UBR1: variants seen among roughly 807,000 people sequenced by gnomAD.
UBR1 encodes the protein ubiquitin protein ligase E3 component n-recognin 1.
UBR1 carries 102 observed loss-of-function variants against 242.1 expected under a neutral mutation model. That is an observed-to-expected ratio of 0.42 (90% CI 0.36 to 0.50). The LOEUF (loss-of-function observed/expected upper bound fraction) is 0.50. Among genes scored for constraint, UBR1 ranks in the 20% least tolerant of loss-of-function variants. UBR1 has a pLI of 0.01. For missense variants in UBR1, 1,772 were observed against 2,101.8 expected (o/e 0.84, Z 3.07); for synonymous variants, 675 against 684.8 (o/e 0.99, Z 0.22).
intron 6 of UBR1, among the ~76,000 whole-genome samples, chr15:43,063,754 T>C (rs1352997576): frequency 6.6e-6 from 1 of 151,952 alleles, no homozygotes; most frequent in Non-Finnish European, 1.5e-5. Flanking sequence ...TGAGATGGAG[T>C]TTCGTTCATC....
At chr15:43,025,342 AAT>A (rs747303888) in intron 24 of UBR1, 37 bp downstream of exon 24, 5 of 1,583,840 alleles carry the variant, frequency 3.2e-6, no homozygotes, top group Non-Finnish European at 4.3e-6. Context: ...AACCACAGAA[AAT>A]AGTCAAAATG....
intron 1 of UBR1, 51 bp downstream of exon 1, chr15:43,105,891 G>A (rs758952843): frequency 4.5e-6 from 7 of 1,554,984 alleles, no homozygotes; most frequent in South Asian, 1.1e-5. Flanking sequence ...CCTAAGCGCA[G>A]TAGGGAGGGA....
intron 45 of UBR1, 141 bp from the exon 46 acceptor site, chr15:42,950,504 A>G (rs1181510667): frequency 2.9e-6 from 2 of 697,148 alleles, no homozygotes; most frequent in Non-Finnish European, 5.1e-6. Flanking sequence ...AGACAAATAG[A>G]CTAAATTATG....
chr15:43,105,693 A>G lies in UBR1; in HGVS notation c.81+249T>C, dbSNP rs1328028499. Among the ~76,000 whole-genome samples the G allele has an allele frequency of 3.9e-5, 6 of 152,264 alleles. No individual in the cohort carries two copies. In the South Asian group the frequency reaches 1.0e-3, roughly 26 times the overall value. On this transcript the variant is annotated intron_variant, in intron 1 of 46. Coordinates refer to ENST00000290650, the MANE Select transcript of UBR1 (RefSeq NM_174916.3). ...TCTAATAACATCACTGGTTCTTTCT[A>G]CTTCAGAATAGAGACATGCACACTT...
chr15:42,950,910 G>A lies in UBR1; in HGVS notation c.5007-547C>T, dbSNP rs181258192. Among the ~76,000 whole-genome samples, 304 of 152,292 alleles carry A rather than the reference G, an allele frequency of 2.0e-3. 2 individuals are homozygous for A. Among genetic ancestry groups the A allele is most frequent in the Non-Finnish European group, 3.3e-3 (227 of 68,022 alleles). On this transcript the variant is annotated intron_variant, in intron 45 of 46. Transcript: ENST00000290650. Reference sequence around the variant, plus strand: ...TGGGAAATAGACATAAAAAAGGCTTGCGTACACATATATGGGGGATAAGTA... The same window carrying A: ...TGGGAAATAGACATAAAAAAGGCTTACGTACACATATATGGGGGATAAGTA...
intron 44 of UBR1, among the ~76,000 whole-genome samples, chr15:42,952,748 T>TA (rs1172121002): frequency 6.6e-6 from 1 of 152,228 alleles, no homozygotes; most frequent in Non-Finnish European, 1.5e-5. Context: ...GATTCACTGA[T>TA]AGACTCCAGT....
chr15:42,963,895 T>G (rs766778451), intron 42 of UBR1, 40 bp downstream of exon 42: 1 of 1,479,712 alleles, frequency 6.8e-7, no homozygotes, highest in Non-Finnish European at 9.4e-7. Context: ...AATTTCAAAT[T>G]GTATAATAAC....
chr15:42,950,359 T>C lies in UBR1; in HGVS notation c.5011A>G (p.Arg1671Gly). The part of the protein sequence containing the change: ...GAGVCIFLKI[R>G]ECRVVLVEGK... ...TCAACCAGGACCACTCGGCATTCTC[T>C]GATTCTGAAAGAGAAAATCAATAGG... is the stretch of plus-strand genomic sequence containing the variant. The change falls in exon 46 of 47, where the codon AGA (arginine) becomes GGA (glycine). Residue 1671 changes from arginine to glycine, a missense_variant. This residue lies in a region of UBR1 where 965 missense variants were observed against 1,079.7 expected (regional missense o/e 0.89). Transcript: ENST00000290650. 1 of 1,614,040 alleles carries C rather than the reference T, an allele frequency of 6.2e-7. No homozygotes were observed. Among genetic ancestry groups the C allele is most frequent in the Non-Finnish European group, 8.5e-7 (1 of 1,179,848 alleles).
intron 2 of UBR1, 45 bp from the exon 3 acceptor site, chr15:43,082,761 A>T (rs772313478): frequency 1.4e-6 from 2 of 1,391,264 alleles, no homozygotes; most frequent in Non-Finnish European, 2.0e-6. Context: ...GATGACTCCC[A>T]CTGATGCTCA....
rs1042262773 is a variant in UBR1, at chr15:42,943,581, G to A, written c.*1748C>T. 68 of 152,230 alleles carry A rather than the reference G, an allele frequency of 4.5e-4. No individual in the cohort carries two copies. Among genetic ancestry groups the A allele is most frequent in the African/African-American group, 1.5e-3 (64 of 41,474 alleles). 9.4% of individuals were successfully genotyped at this position (152,230 alleles called of 1,614,324 possible). On this transcript the variant is annotated 3_prime_UTR_variant, in exon 47 of 47. Coordinates refer to ENST00000290650, the MANE Select transcript of UBR1 (RefSeq NM_174916.3). ...AGAATTTATTAAGTTAATATAAAAAGGACTAAAAATAAAGTCAGTTTATCT... is the reference window on the plus strand; with the variant it reads ...AGAATTTATTAAGTTAATATAAAAAAGACTAAAAATAAAGTCAGTTTATCT...
At chr15:42,975,336 A>T (rs913565039) in intron 39 of UBR1, among the ~76,000 whole-genome samples, 1 of 152,246 alleles carries the variant, frequency 6.6e-6, no homozygotes, top group Non-Finnish European at 1.5e-5. Flanking sequence ...AGATCAATTC[A>T]TATCAGATCT....
chr15:42,967,851 T>C (rs1254113140), intron 40 of UBR1, among the ~76,000 whole-genome samples: 1 of 151,634 alleles, frequency 6.6e-6, no homozygotes, highest in African/African-American at 2.4e-5. Context: ...GCAGCAGATG[T>C]AGTTCAGCAG....
At chr15:43,086,417 C>T (rs971622788) in intron 1 of UBR1, among the ~76,000 whole-genome samples, 177 bp from the exon 2 acceptor site, 2 of 146,986 alleles carry the variant, frequency 1.4e-5, no homozygotes, top group Admixed American at 6.8e-5. Flanking sequence ...TAAGCAACTG[C>T]TCACATACCA....
intron 5 of UBR1, 69 bp from the exon 6 acceptor site, chr15:43,068,105 A>AG: frequency 1.7e-6 from 2 of 1,203,414 alleles, no homozygotes; most frequent in Non-Finnish European, 2.3e-6. Flanking sequence ...AAAAAAAAAA[A>AG]AAGACAAAAT....
intron 1 of UBR1, among the ~76,000 whole-genome samples, chr15:43,097,682 C>A (rs996481136): frequency 2.6e-5 from 4 of 152,226 alleles, no homozygotes; most frequent in Admixed American, 6.5e-5. Flanking sequence ...TTAAACATCA[C>A]GAACCAACCT....
chr15:43,025,302 A>G (rs1204214373), intron 24 of UBR1, 79 bp downstream of exon 24: 8 of 1,435,444 alleles, frequency 5.6e-6, no homozygotes, highest in Middle Eastern at 1.7e-4. Context: ...AACCAACAAC[A>G]ACAAAAAACT....
At chr15:43,059,498 G>T (rs1167285140) in intron 8 of UBR1, among the ~76,000 whole-genome samples, 1 of 148,952 alleles carries the variant, frequency 6.7e-6, no homozygotes, top group Non-Finnish European at 1.5e-5. Flanking sequence ...CCAATAAAAA[G>T]ATATTATTTG....
intron 14 of UBR1, among the ~76,000 whole-genome samples, chr15:43,045,017 G>C (rs1183924118): frequency 6.6e-6 from 1 of 152,156 alleles, no homozygotes; most frequent in Non-Finnish European, 1.5e-5. Context: ...CAAAACACCA[G>C]TTAATGTTGA....
chr15:42,979,888 T>A (rs561537312), intron 37 of UBR1, among the ~76,000 whole-genome samples: 1 of 152,278 alleles, frequency 6.6e-6, no homozygotes, highest in Admixed American at 6.5e-5. Context: ...TTATCCAAGC[T>A]TGGCATATGT....
Sources: allele counts gnomAD v4.1 joint callset (sites outside exome capture counted in the v4.1 genomes callset), GRCh38; gene constraint gnomAD v4.1.1; regional missense constraint gnomAD v4.1.1; transcripts MANE v1.5; gene names NCBI Gene and HGNC (gene_info 2026-07-23, HGNC 2026-07-21).